EXOC6B: variants seen among roughly 807,000 people sequenced by gnomAD.
EXOC6B encodes SEC15 homolog B.
In EXOC6B, 54 loss-of-function variants were observed where a neutral mutation model predicts 113.5. The observed-to-expected ratio is 0.48, with a 90% CI of 0.38 to 0.60. The LOEUF (loss-of-function observed/expected upper bound fraction) is 0.60. Among genes scored for constraint, EXOC6B ranks in the 20% least tolerant of loss-of-function variants. The probability of loss-of-function intolerance (pLI) is 0.00; values close to 1 mark genes in which losing one functional copy is unlikely to be tolerated. For synonymous variants in EXOC6B, 357 were observed against 339.0 expected, an observed-to-expected ratio of 1.05 and a Z score of -0.58; for missense variants, 797 against 977.5, an observed-to-expected ratio of 0.82 and a Z score of 2.46.
rs550638669 is a variant in EXOC6B, at chr2:72,494,907, G to A, written c.1553+523C>T. ...AACAAAGGAGCCTACACTCTAGCAC[G>A]TATAGAAAATATACATATACAAGTA... is the stretch of plus-strand genomic sequence containing the variant. On this transcript the variant is annotated intron_variant, in intron 15 of 21. Coordinates refer to ENST00000272427, the MANE Select transcript of EXOC6B (RefSeq NM_015189.3). Among the ~76,000 whole-genome samples the A allele has an allele frequency of 2.6e-4, 39 of 152,244 alleles. No homozygotes were observed. The South Asian group carries it at 6.4e-3, about 25-fold the overall frequency.
intron 6 of EXOC6B, among the ~76,000 whole-genome samples, chr2:72,666,816 CACACACAA>C (rs1212030070): frequency 3.2e-4 from 49 of 150,784 alleles, no homozygotes; most frequent in South Asian, 1.7e-3. Context: ...CACACACACA[CACACACAA>C]AGAAATGCCT....
At chr2:72,666,881 T>TCAGTGGAG (rs1300824997) in intron 6 of EXOC6B, among the ~76,000 whole-genome samples, 11 of 151,348 alleles carry the variant, frequency 7.3e-5, no homozygotes, top group Admixed American at 7.2e-4. Context: ...TTTTTTTTTC[T>TCAGTGGAG]CAGTGGAGTC....
intron 18 of EXOC6B, among the ~76,000 whole-genome samples, chr2:72,389,763 C>T (rs1459778372): frequency 4.6e-5 from 7 of 152,108 alleles, no homozygotes; most frequent in African/African-American, 1.7e-4. Context: ...CATTTCATCA[C>T]TTTTTCTCTG....
At chr2:72,754,569 A>AT (rs1005181834) in intron 1 of EXOC6B, among the ~76,000 whole-genome samples, 2 of 151,110 alleles carry the variant, frequency 1.3e-5, no homozygotes, top group African/African-American at 4.9e-5. Context: ...TGCAGCATGT[A>AT]TTAGTCTAGT....
intron 20 of EXOC6B, among the ~76,000 whole-genome samples, chr2:72,273,472 C>G (rs561185991): frequency 6.6e-6 from 1 of 152,100 alleles, no homozygotes; most frequent in Non-Finnish European, 1.5e-5. Context: ...GTATGATATG[C>G]TGCAACAAAT....
At chr2:72,621,692 GACA>G (rs1671756922) in intron 6 of EXOC6B, among the ~76,000 whole-genome samples, 1 of 152,086 alleles carries the variant, frequency 6.6e-6, no homozygotes, top group Non-Finnish European at 1.5e-5. Flanking sequence ...GAGGTAGCTG[GACA>G]ACCAAATGTT....
At chr2:72,746,453 T>C (rs1681703362) in intron 1 of EXOC6B, among the ~76,000 whole-genome samples, 1 of 152,064 alleles carries the variant, frequency 6.6e-6, no homozygotes, top group Non-Finnish European at 1.5e-5. Flanking sequence ...TTTATCCTCG[T>C]ATAACTATCT....
intron 20 of EXOC6B, among the ~76,000 whole-genome samples, chr2:72,281,634 C>G (rs1017130358): frequency 1.3e-5 from 2 of 152,106 alleles, no homozygotes; most frequent in African/African-American, 4.8e-5. Context: ...AACATATGTG[C>G]ATATACAGTC....
chr2:72,443,320 CAAAAA>C (rs61290907), intron 18 of EXOC6B, among the ~76,000 whole-genome samples: 1 of 92,762 alleles, frequency 1.1e-5, no homozygotes, highest in Non-Finnish European at 2.4e-5. Flanking sequence ...GAGATTCTGT[CAAAAA>C]AAAAAAAAAA....
At chr2:72,615,993 A>C (rs917549273) in intron 6 of EXOC6B, among the ~76,000 whole-genome samples, 1 of 152,148 alleles carries the variant, frequency 6.6e-6, no homozygotes, top group African/African-American at 2.4e-5. Context: ...AACCAAAATA[A>C]ACACAAATTT....
intron 6 of EXOC6B, among the ~76,000 whole-genome samples, chr2:72,699,477 C>G (rs79171297): frequency 1.6e-5 from 1 of 62,856 alleles, no homozygotes; most frequent in East Asian, 4.5e-4. Flanking sequence ...GACTCCGTCT[C>G]AAAAAAAAAA....
chr2:72,677,664 T>C (rs551183804), intron 6 of EXOC6B, among the ~76,000 whole-genome samples: 1 of 152,332 alleles, frequency 6.6e-6, no homozygotes, highest in South Asian at 2.1e-4. Context: ...AAAATGCAGT[T>C]TATTCACAAA....
chr2:72,262,644 C>T (rs374721199), intron 20 of EXOC6B, among the ~76,000 whole-genome samples: 13 of 152,090 alleles, frequency 8.5e-5, no homozygotes, highest in Non-Finnish European at 1.3e-4. Flanking sequence ...AATGAAGCAA[C>T]GTATATTACG....
chr2:72,642,275 T>C (rs1391962863), intron 6 of EXOC6B, among the ~76,000 whole-genome samples: 2 of 146,148 alleles, frequency 1.4e-5, no homozygotes, highest in Non-Finnish European at 1.5e-5. Flanking sequence ...TTAAAGTTCA[T>C]ATGGAACCAA....
At chr2:72,734,697 C>T (rs1680842631) in intron 2 of EXOC6B, among the ~76,000 whole-genome samples, 2 of 152,132 alleles carry the variant, frequency 1.3e-5, no homozygotes, top group African/African-American at 2.4e-5. Context: ...CTAGAATAAA[C>T]GTGATGGTAA....
At chr2:72,806,905 T>C (rs1252734454) in intron 1 of EXOC6B, among the ~76,000 whole-genome samples, 1 of 152,108 alleles carries the variant, frequency 6.6e-6, no homozygotes, top group Non-Finnish European at 1.5e-5. Flanking sequence ...CTTTAAGTCC[T>C]TATAGGCTGG....
intron 1 of EXOC6B, among the ~76,000 whole-genome samples, chr2:72,789,628 G>A (rs922930742): frequency 4.6e-5 from 7 of 152,170 alleles, no homozygotes; most frequent in Non-Finnish European, 8.8e-5. Flanking sequence ...AAGGCAAAAT[G>A]TTCTACCTTT....
chr2:72,588,672 T>A (rs1705737470), intron 6 of EXOC6B, among the ~76,000 whole-genome samples: 1 of 151,972 alleles, frequency 6.6e-6, no homozygotes, highest in Non-Finnish European at 1.5e-5. Flanking sequence ...GGAAAAAAAA[T>A]CAATTAATAA....
intron 6 of EXOC6B, among the ~76,000 whole-genome samples, chr2:72,649,365 G>A (rs1329589761): frequency 1.3e-5 from 2 of 152,094 alleles, no homozygotes; most frequent in African/African-American, 2.4e-5. Context: ...TGATTAGATT[G>A]CTTGTAACAC....
Sources: gnomAD v4.1 joint callset for allele counts (sites outside exome capture counted in the v4.1 genomes callset) on GRCh38, gnomAD v4.1.1 for gene constraint, MANE v1.5 for transcripts, NCBI Gene and HGNC (gene_info 2026-07-23, HGNC 2026-07-21) for gene names.